Variants in DOCK5 observed in about 807,000 individuals in gnomAD.
The protein encoded by DOCK5 is dedicator of cytokinesis protein 5.
DOCK5 carries 142 observed loss-of-function variants against 251.8 expected under a neutral mutation model. The observed-to-expected ratio is 0.56, with a 90% CI of 0.49 to 0.65. DOCK5 has a LOEUF of 0.65. DOCK5 is among the 30% of genes least tolerant of loss of function. DOCK5 has a pLI of 0.00. For missense variants in DOCK5, 2,111 were observed against 2,312.3 expected (o/e 0.91, Z 1.79); for synonymous variants, 842 against 835.5 (o/e 1.01, Z -0.13).
intron 18 of DOCK5, among the ~76,000 whole-genome samples, chr8:25,332,034 G>T (rs1461619567): frequency 6.6e-6 from 1 of 152,102 alleles, no homozygotes; most frequent in Non-Finnish European, 1.5e-5. Flanking sequence ...AAGTTCTTAT[G>T]CATTAATAGT....
At chr8:25,346,920 G>A (rs1273807306) in intron 26 of DOCK5, among the ~76,000 whole-genome samples, 1 of 152,058 alleles carries the variant, frequency 6.6e-6, no homozygotes, top group Non-Finnish European at 1.5e-5. Context: ...CCCCCACACA[G>A]GAAGCTGGAG....
chr8:25,191,170 G>A (rs1206877913), intron 1 of DOCK5, among the ~76,000 whole-genome samples: 1 of 152,024 alleles, frequency 6.6e-6, no homozygotes, highest in Non-Finnish European at 1.5e-5. Flanking sequence ...CAGAATGGGG[G>A]GGGTCCATGA....
rs764083786 is a variant in DOCK5, at chr8:25,268,926, G to A, written c.168+41G>A. 3 of 1,498,434 alleles carry A rather than the reference G, an allele frequency of 2.0e-6. No individual in the cohort carries two copies. The Admixed American group carries it at 6.2e-5, about 31-fold the overall frequency. The allele number at this position is 1,498,434 out of a possible 1,614,324, so 92.8% of individuals were successfully genotyped here. On this transcript the variant is annotated intron_variant, in intron 3 of 51. Coordinates refer to ENST00000276440, the MANE Select transcript of DOCK5 (RefSeq NM_024940.8). The stretch of plus-strand genomic sequence containing the variant: ...CACTTTTTAATTTCATTTGAAATCT[G>A]TCTGCTAGTTTTGTATTGTGCTATG...
At chr8:25,215,191 T>G (rs2117485918) in intron 1 of DOCK5, among the ~76,000 whole-genome samples, 1 of 152,222 alleles carries the variant, frequency 6.6e-6, no homozygotes, top group Middle Eastern at 3.4e-3. Context: ...CTGGACTCTT[T>G]GTGTCTGTTT....
At chr8:25,371,626 A>G (rs1403706675) in intron 34 of DOCK5, among the ~76,000 whole-genome samples, 1 of 152,158 alleles carries the variant, frequency 6.6e-6, no homozygotes, top group African/African-American at 2.4e-5. Context: ...CAAACCTCCC[A>G]GTTTATATCT....
intron 1 of DOCK5, among the ~76,000 whole-genome samples, chr8:25,237,658 C>A (rs1802836830): frequency 6.6e-6 from 1 of 152,178 alleles, no homozygotes; most frequent in Non-Finnish European, 1.5e-5. Flanking sequence ...AGAATTCCAG[C>A]AATTTGTCTT....
chr8:25,277,440 A>G (rs1332275685), intron 4 of DOCK5: 5 of 152,400 alleles, frequency 3.3e-5, no homozygotes, highest in Non-Finnish European at 5.9e-5. Flanking sequence ...AGTAAAAAAA[A>G]AGAGGAAGGG....
chr8:25,321,097 T>G (rs773764031), intron 16 of DOCK5, 45 bp downstream of exon 16: 9 of 1,547,612 alleles, frequency 5.8e-6, no homozygotes, highest in South Asian at 4.6e-5. Flanking sequence ...TAAAAAAAAT[T>G]TGCTCTGGCT....
At chr8:25,256,245 CTG>C (rs1803417848) in intron 2 of DOCK5, among the ~76,000 whole-genome samples, 1 of 152,182 alleles carries the variant, frequency 6.6e-6, no homozygotes, top group Non-Finnish European at 1.5e-5. Context: ...TTTTAAACAA[CTG>C]TATCTAGCAA....
At chr8:25,320,689 G>A (rs1234967511) in intron 15 of DOCK5, among the ~76,000 whole-genome samples, 1 of 152,088 alleles carries the variant, frequency 6.6e-6, no homozygotes, top group Non-Finnish European at 1.5e-5. Flanking sequence ...GATCCTGTGT[G>A]GACCTCAAAA....
intron 22 of DOCK5, among the ~76,000 whole-genome samples, chr8:25,340,366 A>T (rs1805923120): frequency 6.6e-6 from 1 of 152,184 alleles, no homozygotes; most frequent in Non-Finnish European, 1.5e-5. Context: ...TGAAATTTTG[A>T]ATTCAAGCCA....
intron 45 of DOCK5, among the ~76,000 whole-genome samples, chr8:25,397,277 G>T (rs1801362775): frequency 1.3e-5 from 2 of 152,108 alleles, no homozygotes; most frequent in Non-Finnish European, 2.9e-5. Context: ...AGGATGGTTT[G>T]GAAGATTAAG....
rs1186955493 is a variant in DOCK5 at position 25,345,552 on chromosome 8, C to T, written c.2695C>T (p.His899Tyr). 1 of 1,613,944 alleles carries T rather than the reference C, an allele frequency of 6.2e-7. No individual in the cohort carries two copies. Among genetic ancestry groups the T allele is most frequent in the Non-Finnish European group, 8.5e-7 (1 of 1,179,892 alleles). Residue 899 changes from histidine (H) to tyrosine (Y), a missense_variant, in exon 26 of 52, where the codon CAC (histidine) becomes TAC (tyrosine). His to Tyr is a moderately conservative substitution (Grantham distance 83). This residue lies in a region of DOCK5 where 1,717 missense variants were observed against 1,892.4 expected (regional missense o/e 0.91). Transcript: ENST00000276440. ...QLDDNSNKPDHEASSQLLSNI... is the reference protein window; with the variant it reads ...QLDDNSNKPDYEASSQLLSNI... ...AGATGACAACTCCAACAAGCCTGAC[C>T]ACGAGGCAAGCTCGCAGCTTCTGAG...
At chr8:25,388,448 A>G (rs1368845026) in intron 40 of DOCK5, among the ~76,000 whole-genome samples, 1 of 150,374 alleles carries the variant, frequency 6.7e-6, no homozygotes, top group African/African-American at 2.5e-5. Flanking sequence ...TCTTTGGGGA[A>G]AAAAAAATGA....
intron 27 of DOCK5, among the ~76,000 whole-genome samples, chr8:25,354,333 T>C (rs1800529050): frequency 6.6e-6 from 1 of 152,228 alleles, no homozygotes; most frequent in African/African-American, 2.4e-5. Flanking sequence ...GCCATTTCTA[T>C]CATACATTAT....
chr8:25,385,556 A>G (rs1025123146), intron 40 of DOCK5, among the ~76,000 whole-genome samples: 1 of 152,206 alleles, frequency 6.6e-6, no homozygotes, highest in Non-Finnish European at 1.5e-5. Flanking sequence ...GGCCAGAGTC[A>G]CAGAGGAGAG....
chr8:25,406,053 G>T (rs537548550), intron 48 of DOCK5, among the ~76,000 whole-genome samples: 3 of 152,068 alleles, frequency 2.0e-5, no homozygotes, highest in Non-Finnish European at 4.4e-5. Context: ...CCGCCTCCCG[G>T]GTTCACGCCA....
At chr8:25,283,133 C>G (rs1028356523) in intron 5 of DOCK5, among the ~76,000 whole-genome samples, 10 of 152,094 alleles carry the variant, frequency 6.6e-5, no homozygotes, top group Non-Finnish European at 1.2e-4. Flanking sequence ...ATAAATATGT[C>G]TTAAAGGGGA....
chr8:25,279,866 C>G (rs2117131780), intron 5 of DOCK5, among the ~76,000 whole-genome samples: 1 of 151,822 alleles, frequency 6.6e-6, no homozygotes, highest in Non-Finnish European at 1.5e-5. Flanking sequence ...CTCAAGTGAT[C>G]TATGTGTCTT....
Sources: gnomAD v4.1 joint callset for allele counts (sites outside exome capture counted in the v4.1 genomes callset) on GRCh38, gnomAD v4.1.1 for gene constraint, gnomAD v4.1.1 regional missense constraint, MANE v1.5 for transcripts, NCBI Gene and HGNC (gene_info 2026-07-23, HGNC 2026-07-21) for gene names.